ATAD2B: variants seen among roughly 807,000 people sequenced by gnomAD.
ATAD2B encodes the protein ATPase family AAA domain containing 2B.
Under a neutral mutation model 167.6 loss-of-function variants are expected in ATAD2B, and 40 were observed. That is an observed-to-expected ratio of 0.24 (90% CI 0.19 to 0.31). The LOEUF (loss-of-function observed/expected upper bound fraction) is 0.31, where lower values mean the gene tolerates loss of function less well. Among genes scored for constraint, ATAD2B ranks in the 10% least tolerant of loss-of-function variants. The pLI is 1.00. For synonymous variants in ATAD2B, 579 were observed against 596.5 expected, an observed-to-expected ratio of 0.97 and a Z score of 0.43; for missense variants, 1,242 against 1,757.2, an observed-to-expected ratio of 0.71 and a Z score of 5.24.
At chr2:23,746,413 G>C (rs770398603), downstream of ATAD2B, among the ~76,000 whole-genome samples, 1 of 152,188 alleles carries the variant, frequency 6.6e-6, no homozygotes, top group Non-Finnish European at 1.5e-5. Context: ...ATAGCACTCA[G>C]AATAGTCTCC....
chr2:23,718,417 C>T, the ATAD2B span, among the ~76,000 whole-genome samples: 1 of 151,634 alleles, frequency 6.6e-6, no homozygotes, highest in Admixed American at 6.6e-5. Flanking sequence ...GTCTTAGGAG[C>T]CTGAGAGTCA....
intron 12 of ATAD2B, among the ~76,000 whole-genome samples, chr2:23,862,338 G>T (rs978553146): frequency 6.6e-5 from 10 of 150,564 alleles, no homozygotes; most frequent in Admixed American, 1.3e-4. Flanking sequence ...ATGCTGCATT[G>T]CCAAATATGA....
chr2:23,738,210 T>C, the ATAD2B span, among the ~76,000 whole-genome samples: 5 of 152,284 alleles, frequency 3.3e-5, no homozygotes, highest in South Asian at 6.2e-4. Flanking sequence ...GCCACAAAGA[T>C]AGTCCTTGAG....
chr2:23,850,600 G>A (rs1692416426), intron 13 of ATAD2B, among the ~76,000 whole-genome samples: 1 of 152,136 alleles, frequency 6.6e-6, no homozygotes. Flanking sequence ...TTCTGGAAAA[G>A]GCAAAATTAT....
intron 18 of ATAD2B, among the ~76,000 whole-genome samples, chr2:23,805,241 A>G (rs1684183502): frequency 6.6e-6 from 1 of 152,218 alleles, no homozygotes; most frequent in Non-Finnish European, 1.5e-5. Context: ...AACTTCAAAA[A>G]AGAGAATTTT....
the ATAD2B span, among the ~76,000 whole-genome samples, chr2:23,722,055 A>G: frequency 6.6e-6 from 1 of 152,252 alleles, no homozygotes; most frequent in Non-Finnish European, 1.5e-5. Context: ...ACCAAGGCCA[A>G]TGACCCCCAC....
chr2:23,818,003 G>A (rs868232527), intron 17 of ATAD2B, among the ~76,000 whole-genome samples: 3 of 151,694 alleles, frequency 2.0e-5, no homozygotes, highest in African/African-American at 4.8e-5. Context: ...AATTAAACAC[G>A]TCTTTTGATA....
chr2:23,755,975 G>A, intron 25 of ATAD2B, among the ~76,000 whole-genome samples: 1 of 152,028 alleles, frequency 6.6e-6, no homozygotes, highest in East Asian at 1.9e-4. Flanking sequence ...AAAGCTTCAG[G>A]TCAAACTTTT....
the ATAD2B span, chr2:23,691,659 G>T: frequency 1.8e-5 from 28 of 1,550,986 alleles, no homozygotes; most frequent in Non-Finnish European, 2.4e-5. Flanking sequence ...AGGACACCCT[G>T]GTCTCTGTGC....
intron 17 of ATAD2B, among the ~76,000 whole-genome samples, chr2:23,815,745 T>C (rs1483023725): frequency 6.6e-6 from 1 of 152,204 alleles, no homozygotes; most frequent in East Asian, 1.9e-4. Flanking sequence ...ACAACTTTTC[T>C]GAAATTATAT....
At chr2:23,836,036 C>T (rs1689897087) in intron 13 of ATAD2B, among the ~76,000 whole-genome samples, 1 of 152,104 alleles carries the variant, frequency 6.6e-6, no homozygotes, top group Non-Finnish European at 1.5e-5. Context: ...AGTGCCTCTG[C>T]CTCAGTTTTG....
chr2:23,762,158 C>T, intron 24 of ATAD2B, 51 bp downstream of exon 24: 4 of 1,581,494 alleles, frequency 2.5e-6, no homozygotes, highest in Non-Finnish European at 3.4e-6. Context: ...AACATATCTA[C>T]ATCATTCTCA....
At chr2:23,850,000 G>A (rs1692303844) in intron 13 of ATAD2B, among the ~76,000 whole-genome samples, 1 of 151,960 alleles carries the variant, frequency 6.6e-6, no homozygotes, top group Admixed American at 6.6e-5. Flanking sequence ...AAAATTAGCT[G>A]GGTGTGGTGG....
At chr2:23,842,482 C>CAG (rs1251083549) in intron 13 of ATAD2B, among the ~76,000 whole-genome samples, 2 of 152,008 alleles carry the variant, frequency 1.3e-5, no homozygotes, top group African/African-American at 2.4e-5. Context: ...CATGGTAACT[C>CAG]AGAGAATGGA....
intron 1 of ATAD2B, among the ~76,000 whole-genome samples, chr2:23,903,303 TG>T (rs1573361185): frequency 1.3e-5 from 2 of 152,080 alleles, no homozygotes; most frequent in East Asian, 3.9e-4. Context: ...AGTGGGAATA[TG>T]TATTCTAACA....
chr2:23,837,162 T>G (rs2712051), intron 13 of ATAD2B, among the ~76,000 whole-genome samples: 1 of 152,076 alleles, frequency 6.6e-6, no homozygotes, highest in African/African-American at 2.4e-5. Flanking sequence ...GAGGGGGCTG[T>G]GGCAGCAGGG....
intron 22 of ATAD2B, among the ~76,000 whole-genome samples, chr2:23,776,293 T>C (rs559619088): frequency 6.6e-6 from 1 of 152,330 alleles, no homozygotes; most frequent in South Asian, 2.1e-4. Flanking sequence ...TAGGTTTTTG[T>C]CCACCATATT....
the ATAD2B span, among the ~76,000 whole-genome samples, chr2:23,710,244 T>C: frequency 6.8e-6 from 1 of 147,444 alleles, no homozygotes; most frequent in Non-Finnish European, 1.5e-5. Flanking sequence ...GCTAAGTGAT[T>C]CCAACAGTTA....
chr2:23,813,782 T>A (rs578103407), intron 17 of ATAD2B, among the ~76,000 whole-genome samples: 68 of 152,014 alleles, frequency 4.5e-4, no homozygotes, highest in South Asian at 1.3e-3. Context: ...AAATGGATAA[T>A]AAAATAAATG....
Sources: gnomAD v4.1 joint callset for allele counts (sites outside exome capture counted in the v4.1 genomes callset) on GRCh38, gnomAD v4.1.1 for gene constraint, MANE v1.5 for transcripts, NCBI Gene and HGNC (gene_info 2026-07-23, HGNC 2026-07-21) for gene names.